HEPHL1: variants seen among roughly 807,000 people sequenced by gnomAD.
HEPHL1 encodes hephaestin like 1.
Under a neutral mutation model 122.0 loss-of-function variants are expected in HEPHL1, and 123 were observed. The observed-to-expected ratio is 1.01, with a 90% CI of 0.87 to 1.17. The LOEUF is 1.17. HEPHL1 is among the 50% of genes most tolerant of loss of function. The probability of loss-of-function intolerance (pLI) is 0.00; values close to 1 mark genes in which losing one functional copy is unlikely to be tolerated. For synonymous variants in HEPHL1, 527 were observed against 508.9 expected, an observed-to-expected ratio of 1.04 and a Z score of -0.48; for missense variants, 1,452 against 1,430.5, an observed-to-expected ratio of 1.01 and a Z score of -0.24.
At chr11:94,099,813 A>G (rs1156454605) in intron 13 of HEPHL1, among the ~76,000 whole-genome samples, 1 of 152,208 alleles carries the variant, frequency 6.6e-6, no homozygotes, top group Non-Finnish European at 1.5e-5. Flanking sequence ...CATCTGAGCC[A>G]GGCACCGGCT....
Position 94,067,743 on chromosome 11 carries a change from C to T in HEPHL1, c.1056C>T (p.His352=). The T allele has an allele frequency of 6.2e-7, 1 of 1,613,242 alleles. No individual in the cohort carries two copies. The highest frequency in any genetic ancestry group is 8.5e-7 in the Non-Finnish European group (1 of 1,179,580). ...TGATAACCTGCCAGGTCAGCGACCA[C>T]CTACAAGGTAAAAAGGATAAAGACC... is the stretch of plus-strand genomic sequence containing the variant. The part of the protein sequence containing the change: ...KWMITCQVSD[H]LQAGMLGQYN... Residue 352 remains histidine (H), a synonymous_variant, in exon 5 of 20, where the codon CAC becomes CAT. Coordinates refer to ENST00000315765, the MANE Select transcript of HEPHL1 (RefSeq NM_001098672.2).
At chr11:94,088,413 G>C (rs1207721283) in intron 11 of HEPHL1, among the ~76,000 whole-genome samples, 1 of 152,132 alleles carries the variant, frequency 6.6e-6, no homozygotes, top group African/African-American at 2.4e-5. Context: ...TTTAAACTGG[G>C]CTGGACTAAG....
chr11:94,025,524 T>C (rs1166417403), intron 1 of HEPHL1, among the ~76,000 whole-genome samples: 1 of 152,148 alleles, frequency 6.6e-6, no homozygotes, highest in Non-Finnish European at 1.5e-5. Flanking sequence ...CCCAGTGAAA[T>C]GCAGGGTTTT....
At chr11:94,025,044 C>T (rs1945613176) in intron 1 of HEPHL1, among the ~76,000 whole-genome samples, 1 of 152,080 alleles carries the variant, frequency 6.6e-6, no homozygotes. Context: ...CATTTGGAAA[C>T]CAAAGTTAGG....
At chr11:94,057,515 G>A (rs1310148369) in intron 2 of HEPHL1, among the ~76,000 whole-genome samples, 1 of 151,986 alleles carries the variant, frequency 6.6e-6, no homozygotes, top group Non-Finnish European at 1.5e-5. Flanking sequence ...TAAGTTCACT[G>A]ATACTTTCTT....
At chr11:94,075,041 A>G (rs1299410073) in intron 8 of HEPHL1, 133 bp from the exon 9 acceptor site, 2 of 686,486 alleles carry the variant, frequency 2.9e-6, no homozygotes, top group Admixed American at 2.4e-5. Flanking sequence ...GGTAGGATAC[A>G]TAAGAGAAAA....
intron 2 of HEPHL1, among the ~76,000 whole-genome samples, chr11:94,060,407 C>G (rs1014798650): frequency 6.6e-6 from 1 of 151,708 alleles, no homozygotes; most frequent in African/African-American, 2.4e-5. Context: ...AACTTAGGCA[C>G]ATGTTATAAA....
chr11:94,067,388 A>G (rs1161156931), intron 4 of HEPHL1, 108 bp from the exon 5 acceptor site: 3 of 1,008,170 alleles, frequency 3.0e-6, no homozygotes, highest in Non-Finnish European at 4.5e-6. Flanking sequence ...CTTACAACCA[A>G]TGGTCTGCAC....
At chr11:94,081,397 A>C (rs773556817) in intron 9 of HEPHL1, among the ~76,000 whole-genome samples, 2 of 152,218 alleles carry the variant, frequency 1.3e-5, no homozygotes, top group Non-Finnish European at 2.9e-5. Flanking sequence ...ACCATGGCAC[A>C]TGTTTACCTA....
intron 2 of HEPHL1, among the ~76,000 whole-genome samples, chr11:94,053,068 T>A (rs10765649): frequency 0.58 from 88,452 of 151,822 alleles, 25,945 homozygotes; most frequent in South Asian, 0.68. Context: ...TTAGTATTTG[T>A]TAGAATTTTT....
chr11:94,073,229 G>T (rs955192888), intron 7 of HEPHL1, 65 bp downstream of exon 7: 89 of 1,607,090 alleles, frequency 5.5e-5, no homozygotes, highest in Non-Finnish European at 6.5e-5. Flanking sequence ...ATGTACATCT[G>T]CACAGAATGA....
In HEPHL1 at chr11:94,104,674, T is replaced by C. The variant is rs769098508; in HGVS notation, c.2829T>C (p.Asn943=). The C allele has an allele frequency of 1.9e-5, 31 of 1,613,756 alleles. No homozygotes were observed. The highest frequency in any genetic ancestry group is 2.6e-5 in the Non-Finnish European group (31 of 1,179,668). The change falls in exon 16 of 20, where the codon AAT becomes AAC. Residue 943 remains asparagine (N), a synonymous_variant. Transcript: ENST00000315765. ...NENESWYLDD[N]IKKYLNKDPR... is the part of the protein sequence containing the mutation. ...ATGAATCCTGGTATCTGGATGACAA[T>C]ATTAAGAAGTATCTCAACAAAGATC...
chr11:94,068,010 T>C (rs1946048158), intron 5 of HEPHL1, among the ~76,000 whole-genome samples: 1 of 152,206 alleles, frequency 6.6e-6, no homozygotes, highest in Non-Finnish European at 1.5e-5. Context: ...GTATAGTTGT[T>C]AGACATAGTT....
intron 1 of HEPHL1, among the ~76,000 whole-genome samples, chr11:94,037,694 G>A (rs965980266): frequency 1.4e-4 from 21 of 152,040 alleles, no homozygotes; most frequent in African/African-American, 4.6e-4. Flanking sequence ...AAACAGAAAG[G>A]ACATCCACAC....
chr11:94,098,495 A>T (rs1946338288), intron 13 of HEPHL1, among the ~76,000 whole-genome samples: 1 of 152,098 alleles, frequency 6.6e-6, no homozygotes. Flanking sequence ...TGTGTCTTGT[A>T]GTTGCTCTTC....
At chr11:94,101,657 T>C (rs577672222) in intron 14 of HEPHL1, among the ~76,000 whole-genome samples, 1 of 152,340 alleles carries the variant, frequency 6.6e-6, no homozygotes, top group South Asian at 2.1e-4. Context: ...TTGGTGTGTA[T>C]ACTCTAAGGG....
At chr11:94,068,976 T>G (rs1946055064) in intron 5 of HEPHL1, among the ~76,000 whole-genome samples, 1 of 152,180 alleles carries the variant, frequency 6.6e-6, no homozygotes, top group African/African-American at 2.4e-5. Context: ...ATTAGTCAAC[T>G]GCAGTATCCC....
At position 94,087,169 on chromosome 11, in the gene HEPHL1, TACTC is replaced by T. The variant is rs1352418579; in HGVS notation, c.2080+982_2080+985del. 5.9e-5 allele frequency among the ~76,000 whole-genome samples: 9 copies of T among 152,282 alleles called. 1 individual carries two copies. The East Asian group carries it at 1.7e-3, about 29-fold the overall frequency. On this transcript the variant is annotated intron_variant, in intron 11 of 19. Coordinates refer to ENST00000315765, the MANE Select transcript of HEPHL1 (RefSeq NM_001098672.2). ...TTAGTATAGTTGATCAATTATGAAT[TACTC>T]AAATCAAGAGATGCCTTGGACACAA...
At position 94,021,522 on chromosome 11, in the gene HEPHL1, AG is replaced by A; in HGVS notation, c.155del (p.Ser52IlefsTer19). 1 of 1,608,646 alleles carries A rather than the reference AG, an allele frequency of 6.2e-7. No homozygotes were observed. Among genetic ancestry groups the A allele is most frequent in the African/African-American group, 1.3e-5 (1 of 74,848 alleles). On this transcript the variant is annotated frameshift_variant, in exon 1 of 20. Transcript: ENST00000315765. LOFTEE classifies it high-confidence loss of function. Reference protein sequence around the residue: ...PQGKNVITGKSFTEDKLATLF... With the variant: ...PQGKNVITGKXFTEDKLATLF... Reference sequence around the variant, plus strand: ...AGGGAAGAATGTTATTACTGGGAAAAGTTTCACAGAAGACAAGTGAGTGAAC... The same window carrying A: ...AGGGAAGAATGTTATTACTGGGAAAATTTCACAGAAGACAAGTGAGTGAAC...
Sources: allele counts gnomAD v4.1 joint callset (sites outside exome capture counted in the v4.1 genomes callset), GRCh38; gene constraint gnomAD v4.1.1; transcripts MANE v1.5; gene names NCBI Gene and HGNC (gene_info 2026-07-23, HGNC 2026-07-21).